The following TXNL1 variants were observed in gnomAD, a reference collection of about 807,000 sequenced individuals.
TXNL1 encodes the protein thioredoxin like 1.
Under a neutral mutation model 35.5 loss-of-function variants are expected in TXNL1, and 14 were observed. That is an observed-to-expected ratio of 0.39 (90% CI 0.26 to 0.62). The LOEUF (loss-of-function observed/expected upper bound fraction) is 0.62, where lower values mean the gene tolerates loss of function less well. TXNL1 is among the 20% of genes least tolerant of loss of function. The pLI is 0.47. For synonymous variants in TXNL1, 110 were observed against 115.5 expected (o/e 0.95, Z 0.31); for missense variants, 263 against 349.7 (o/e 0.75, Z 1.98).
intron 1 of TXNL1, among the ~76,000 whole-genome samples, chr18:56,630,898 T>A (rs953145697): frequency 2.0e-5 from 3 of 152,054 alleles, no homozygotes; most frequent in African/African-American, 4.8e-5. Context: ...TTTTTCTTTT[T>A]TTTTTTAGGG....
intron 1 of TXNL1, among the ~76,000 whole-genome samples, chr18:56,629,267 C>T (rs891957451): frequency 2.6e-5 from 4 of 152,208 alleles, no homozygotes; most frequent in Non-Finnish European, 5.9e-5. Context: ...CTGGCTCACG[C>T]CTATAATCCC....
At chr18:56,610,004 C>A (rs997099699) in intron 7 of TXNL1, 1 of 145,118 alleles carries the variant, frequency 6.9e-6, no homozygotes, top group African/African-American at 2.6e-5. Context: ...ATACATTTTT[C>A]TATAATTGAA....
intron 5 of TXNL1, among the ~76,000 whole-genome samples, chr18:56,615,709 G>C (rs1328822054): frequency 1.3e-5 from 2 of 152,104 alleles, no homozygotes; most frequent in Non-Finnish European, 2.9e-5. Flanking sequence ...AAAGGATTCA[G>C]CACTTCTCAG....
chr18:56,612,260 T>C (rs1019565951), intron 6 of TXNL1, among the ~76,000 whole-genome samples: 3 of 151,974 alleles, frequency 2.0e-5, no homozygotes, highest in African/African-American at 7.3e-5. Context: ...AATCATAGTT[T>C]TTCACTGAGG....
At chr18:56,609,351 G>A (rs2023953735) in intron 7 of TXNL1, 2 of 152,166 alleles carry the variant, frequency 1.3e-5, no homozygotes, top group African/African-American at 4.8e-5. Context: ...TAGTTTGACA[G>A]TCAGAAAAGA....
chr18:56,610,817 A>G (rs2023977485), intron 7 of TXNL1, 176 bp downstream of exon 7: 4 of 440,094 alleles, frequency 9.1e-6, no homozygotes, highest in Admixed American at 9.0e-5. Flanking sequence ...ACTTTGTTGG[A>G]TATCTAAAAA....
At chr18:56,606,609 T>C (rs1334392354) in intron 7 of TXNL1, among the ~76,000 whole-genome samples, 2 of 152,198 alleles carry the variant, frequency 1.3e-5, no homozygotes, top group African/African-American at 4.8e-5. Flanking sequence ...GCCCTCTTTC[T>C]TCACAAAGTA....
chr18:56,624,607 G>A, intron 2 of TXNL1, 146 bp from the exon 3 acceptor site: 1 of 878,184 alleles, frequency 1.1e-6, no homozygotes, highest in African/African-American at 1.7e-5. Context: ...GGAAAAAATA[G>A]ACCTATTCCT....
At chr18:56,603,959 C>T (rs1247765319) in intron 7 of TXNL1, among the ~76,000 whole-genome samples, 7 of 152,056 alleles carry the variant, frequency 4.6e-5, no homozygotes, top group African/African-American at 1.7e-4. Context: ...GTATCTATAC[C>T]AGCAAAACTC....
chr18:56,600,145 TG>T lies in TXNL1; in HGVS notation c.*2881del, dbSNP rs1450281445. On this transcript the variant is annotated 3_prime_UTR_variant, in exon 8 of 8. Coordinates refer to ENST00000217515, the MANE Select transcript of TXNL1 (RefSeq NM_004786.3). Reference sequence around the variant, plus strand: ...GAACTATTTTAGGTTTAAAAGCCCATGATCAGGGATATTAATTGCAGCCATA... The same window carrying T: ...GAACTATTTTAGGTTTAAAAGCCCATATCAGGGATATTAATTGCAGCCATA... 1.3e-5 allele frequency: 2 copies of T among 152,250 alleles called. No individual in the cohort carries two copies. Among genetic ancestry groups the T allele is most frequent in the Non-Finnish European group, 2.9e-5 (2 of 68,048 alleles). The allele number at this position is 152,250 out of a possible 1,614,324, so 9.4% of individuals were successfully genotyped here. A position where few individuals can be genotyped will look rare whatever the true frequency, so the allele number is the denominator to read the frequency against.
At chr18:56,605,551 G>A (rs1001097114) in intron 7 of TXNL1, among the ~76,000 whole-genome samples, 26 of 152,004 alleles carry the variant, frequency 1.7e-4, no homozygotes, top group Non-Finnish European at 1.5e-4. Context: ...TTATAAAATT[G>A]TAATTAAAAA....
intron 2 of TXNL1, among the ~76,000 whole-genome samples, chr18:56,625,432 T>C (rs1359488698): frequency 6.6e-6 from 1 of 152,196 alleles, no homozygotes; most frequent in Non-Finnish European, 1.5e-5. Flanking sequence ...ATACTGTCTT[T>C]AAAATCTGAT....
At chr18:56,626,141 C>T in intron 2 of TXNL1, 1 of 1,205,580 alleles carries the variant, frequency 8.3e-7, no homozygotes, top group Non-Finnish European at 1.0e-6. Flanking sequence ...AATTTTATAT[C>T]AGAAGGTGAT....
At chr18:56,618,990 G>C (rs1269045020) in intron 3 of TXNL1, among the ~76,000 whole-genome samples, 1 of 151,958 alleles carries the variant, frequency 6.6e-6, no homozygotes, top group African/African-American at 2.4e-5. Flanking sequence ...TGGGTGGACA[G>C]CTTGAGCTTA....
At chr18:56,630,383 A>G (rs1309959834) in intron 1 of TXNL1, among the ~76,000 whole-genome samples, 1 of 152,210 alleles carries the variant, frequency 6.6e-6, no homozygotes, top group Non-Finnish European at 1.5e-5. Context: ...TGGGGCTGCC[A>G]TTAAGGAAGG....
At chr18:56,624,539 G>T in intron 2 of TXNL1, 78 bp from the exon 3 acceptor site, 3 of 1,422,994 alleles carry the variant, frequency 2.1e-6, no homozygotes, top group Non-Finnish European at 2.9e-6. Flanking sequence ...CTTTATGGAA[G>T]TTAAATACCA....
chr18:56,608,791 T>A (rs1445780488), intron 7 of TXNL1: 1 of 151,824 alleles, frequency 6.6e-6, no homozygotes, highest in East Asian at 1.9e-4. Flanking sequence ...CACACAAAAA[T>A]AAAACATTAG....
intron 7 of TXNL1, among the ~76,000 whole-genome samples, chr18:56,606,195 T>C (rs925063631): frequency 3.9e-5 from 6 of 152,010 alleles, no homozygotes; most frequent in Non-Finnish European, 7.4e-5. Flanking sequence ...GCTAACACGG[T>C]GAAACCCCGT....
At chr18:56,621,152 C>T (rs2024175800) in intron 3 of TXNL1, among the ~76,000 whole-genome samples, 2 of 150,952 alleles carry the variant, frequency 1.3e-5, no homozygotes, top group South Asian at 2.1e-4. Flanking sequence ...GTAAATTCTT[C>T]TAAATAGTTT....
Sources: gnomAD v4.1 joint callset for allele counts (sites outside exome capture counted in the v4.1 genomes callset) on GRCh38, gnomAD v4.1.1 for gene constraint, MANE v1.5 for transcripts, NCBI Gene and HGNC (gene_info 2026-07-23, HGNC 2026-07-21) for gene names.